The following ELK3 variants were observed in gnomAD, a reference collection of about 807,000 sequenced individuals.
ELK3 encodes the protein ETS domain-containing protein Elk-3.
In ELK3, 10 loss-of-function variants were observed where a neutral mutation model predicts 28.9. The ratio of observed to expected loss-of-function variants is 0.35; its 90% CI spans 0.21 to 0.59. The LOEUF (loss-of-function observed/expected upper bound fraction) is 0.59, where lower values mean the gene tolerates loss of function less well. Ranked by LOEUF, ELK3 falls within the 20% of genes least tolerant of loss-of-function variation. The pLI is 0.82. For missense variants in ELK3, 463 were observed against 517.3 expected (o/e 0.90, Z 1.02); for synonymous variants, 272 against 243.5 (o/e 1.12, Z -1.09).
chr12:96,211,382 T>C (rs1951576744), intron 1 of ELK3, among the ~76,000 whole-genome samples: 1 of 152,152 alleles, frequency 6.6e-6, no homozygotes, highest in Admixed American at 6.5e-5. Context: ...AAATTATGTG[T>C]ATTTTGTATA....
At chr12:96,234,900 T>C (rs1266139995) in intron 2 of ELK3, among the ~76,000 whole-genome samples, 1 of 152,168 alleles carries the variant, frequency 6.6e-6, no homozygotes, top group Admixed American at 6.5e-5. Context: ...ACTTGAGTCC[T>C]GTATGCCCAG....
intron 2 of ELK3, among the ~76,000 whole-genome samples, chr12:96,227,249 G>A (rs1951709350): frequency 6.6e-6 from 1 of 152,036 alleles, no homozygotes; most frequent in South Asian, 2.1e-4. Flanking sequence ...CCTTCTCGGT[G>A]TCCTCCTCCT....
In ELK3 at chr12:96,269,609, CAG is replaced by C. The variant is rs1308255990; in HGVS notation, c.*2431_*2432del. 3 of 152,166 alleles carry C rather than the reference CAG, an allele frequency of 2.0e-5. No homozygotes were observed. Among genetic ancestry groups the C allele is most frequent in the Admixed American group, 1.3e-4 (2 of 15,272 alleles). The allele number at this position is 152,166 out of a possible 1,614,324, so 9.4% of individuals were successfully genotyped here. A position where few individuals can be genotyped will look rare whatever the true frequency, so the allele number is the denominator to read the frequency against. On this transcript the variant is annotated 3_prime_UTR_variant, in exon 5 of 5. Transcript: ENST00000228741. ...TGTGTGTTAGCAGAGGTATTTTACT[CAG>C]AAAATAGGTTTCAAAGAACATTAAT...
chr12:96,224,974 A>G (rs1951688758), intron 2 of ELK3, among the ~76,000 whole-genome samples: 1 of 152,232 alleles, frequency 6.6e-6, no homozygotes, highest in South Asian at 2.1e-4. Context: ...ATGTGATCGT[A>G]ATTGCACGTG....
chr12:96,239,423 A>G (rs890347184), intron 2 of ELK3, among the ~76,000 whole-genome samples: 9 of 152,162 alleles, frequency 5.9e-5, no homozygotes, highest in South Asian at 2.1e-4. Context: ...CCAATATTTA[A>G]CCTACCCCCA....
rs1186050365 is a variant in ELK3 at position 96,247,722 on chromosome 12, C to T, written c.990C>T (p.Phe330=). The T allele has an allele frequency of 2.5e-6, 4 of 1,580,966 alleles. No homozygotes were observed. The highest frequency in any genetic ancestry group is 1.8e-5 in the Admixed American group (1 of 54,556). Residue 330 remains phenylalanine (F), a synonymous_variant, in exon 3 of 5, where the codon TTC becomes TTT. Coordinates refer to ENST00000228741, the MANE Select transcript of ELK3 (RefSeq NM_005230.4). This position sits in a 1 kb window ranked among gnomAD's most constrained non-coding sequence, Gnocchi z 5.5. ...CCTCGGGATCCCTCACCCCAGCCTTCTTCACCGCACAGGTAAGAGTCATTC... is the reference window on the plus strand; with the variant it reads ...CCTCGGGATCCCTCACCCCAGCCTTTTTCACCGCACAGGTAAGAGTCATTC... The part of the protein sequence containing the change: ...ALPSGSLTPA[F]FTAQTPNGLL...
At chr12:96,228,465 C>G (rs922049225) in intron 2 of ELK3, among the ~76,000 whole-genome samples, 4 of 143,384 alleles carry the variant, frequency 2.8e-5, no homozygotes, top group Non-Finnish European at 6.0e-5. Context: ...ACCTTTGTTG[C>G]TACGTTGCTG....
At chr12:96,242,112 T>C (rs556118198) in intron 2 of ELK3, among the ~76,000 whole-genome samples, 1 of 152,338 alleles carries the variant, frequency 6.6e-6, no homozygotes, top group South Asian at 2.1e-4. Context: ...CAAATACTTG[T>C]GAGTCTGGGA....
chr12:96,198,899 A>G (rs1951490276), intron 1 of ELK3, among the ~76,000 whole-genome samples: 1 of 151,698 alleles, frequency 6.6e-6, no homozygotes, highest in Admixed American at 6.6e-5. Context: ...TAGTACCGAG[A>G]CCGAAATTAT....
chr12:96,204,529 T>C, intron 1 of ELK3, among the ~76,000 whole-genome samples: 1 of 152,202 alleles, frequency 6.6e-6, no homozygotes, highest in East Asian at 1.9e-4. Flanking sequence ...CTAAGCGGAA[T>C]GTATGATTAA....
rs1240903034 is a variant in ELK3 at position 96,268,582 on chromosome 12, C to A, written c.*1402C>A. 6.6e-6 allele frequency: 1 copy of A among 152,070 alleles called. No individual in the cohort carries two copies. Among genetic ancestry groups the A allele is most frequent in the Non-Finnish European group, 1.5e-5 (1 of 68,002 alleles). 9.4% of individuals were successfully genotyped at this position (152,070 alleles called of 1,614,324 possible). ...CTAATACAAGAAAACTGAAAAGCAC[C>A]AAGCTTTAAATTCAAGATTAATTAC... On this transcript the variant is annotated 3_prime_UTR_variant, in exon 5 of 5. Coordinates refer to ENST00000228741, the MANE Select transcript of ELK3 (RefSeq NM_005230.4).
intron 1 of ELK3, among the ~76,000 whole-genome samples, chr12:96,210,435 T>G (rs1396739770): frequency 1.3e-5 from 2 of 152,212 alleles, no homozygotes; most frequent in Non-Finnish European, 2.9e-5. Context: ...TATTCACACT[T>G]GAAGTGCTTC....
intron 1 of ELK3, among the ~76,000 whole-genome samples, chr12:96,198,581 C>A (rs1462586130): frequency 2.6e-5 from 4 of 152,104 alleles, no homozygotes; most frequent in Non-Finnish European, 4.4e-5. Flanking sequence ...CTGTATAGAT[C>A]GACTTATAAC....
intron 4 of ELK3, among the ~76,000 whole-genome samples, chr12:96,261,746 G>A (rs1446404587): frequency 1.3e-5 from 2 of 152,166 alleles, no homozygotes; most frequent in Non-Finnish European, 2.9e-5. Context: ...GGTTCTTTGG[G>A]ATTCCTTGTC....
At chr12:96,256,694 T>C (rs1951951691) in intron 3 of ELK3, among the ~76,000 whole-genome samples, 1 of 152,068 alleles carries the variant, frequency 6.6e-6, no homozygotes, top group African/African-American at 2.4e-5. Context: ...ACATGTTAAA[T>C]GTTAAGAAAA....
chr12:96,243,479 T>A (rs562413957), intron 2 of ELK3, among the ~76,000 whole-genome samples: 4 of 152,238 alleles, frequency 2.6e-5, no homozygotes, highest in African/African-American at 7.2e-5. Flanking sequence ...TCCCAGCACT[T>A]TGGGAGGCTG....
chr12:96,242,096 G>A lies in ELK3; in HGVS notation c.208-4844G>A, dbSNP rs182757229. Among the ~76,000 whole-genome samples the A allele has an allele frequency of 2.0e-3, 311 of 152,350 alleles. 1 individual carries two copies. Among genetic ancestry groups the A allele is most frequent in the African/African-American group, 7.1e-3 (294 of 41,580 alleles). ...ATCGCTCAGGTTACCAGGCAACTGT[G>A]AGCAACAAATACTTGTGAGTCTGGG... is the stretch of plus-strand genomic sequence containing the variant. On this transcript the variant is annotated intron_variant, in intron 2 of 4. Transcript: ENST00000228741.
At position 96,194,691 on chromosome 12, in the gene ELK3, C is replaced by T. The variant is rs1334858480; in HGVS notation, c.-17C>T. The T allele has an allele frequency of 1.3e-5, 2 of 150,960 alleles. No homozygotes were observed. The highest frequency in any genetic ancestry group is 2.4e-5 in the African/African-American group (1 of 41,294). 9.4% of individuals were successfully genotyped at this position (150,960 alleles called of 1,614,324 possible). On this transcript the variant is annotated 5_prime_UTR_variant, in exon 1 of 5. Coordinates refer to ENST00000228741, the MANE Select transcript of ELK3 (RefSeq NM_005230.4). The stretch of plus-strand genomic sequence containing the variant: ...TCCTAGAAATTCCCCCCGAAGAAGA[C>T]TCCCCCACATCTGGGTAGGTAACAG...
chr12:96,208,359 A>G (rs1951552886), intron 1 of ELK3, among the ~76,000 whole-genome samples: 1 of 152,190 alleles, frequency 6.6e-6, no homozygotes, highest in Non-Finnish European at 1.5e-5. Context: ...GCCAGAGGGC[A>G]GGTTTTTTTA....
Sources: gnomAD v4.1 joint callset for allele counts (sites outside exome capture counted in the v4.1 genomes callset) on GRCh38, gnomAD v4.1.1 for gene constraint, Gnocchi (gnomAD v3.1) non-coding constraint, MANE v1.5 for transcripts, NCBI Gene and HGNC (gene_info 2026-07-23, HGNC 2026-07-21) for gene names.